The following CNPY1 variants were observed in gnomAD, a reference collection of about 807,000 sequenced individuals.
The protein encoded by CNPY1 is canopy FGF signaling regulator 1.
A neutral mutation model predicts 14.4 loss-of-function variants in CNPY1; 14 were observed. The ratio of observed to expected loss-of-function variants is 0.97; its 90% CI spans 0.64 to 1.52. CNPY1 has a LOEUF of 1.52. Ranked by LOEUF, CNPY1 falls within the 40% of genes most tolerant of loss-of-function variation. The pLI is 0.00. For synonymous variants in CNPY1, 43 were observed against 46.5 expected (o/e 0.92, Z 0.31); for missense variants, 129 against 131.5 (o/e 0.98, Z 0.09).
intron 3 of CNPY1, 51 bp downstream of exon 3, chr7:155,508,843 C>T (rs777876887): frequency 5.0e-6 from 8 of 1,591,702 alleles, no homozygotes; most frequent in South Asian, 4.6e-5. Context: ...AAAAGAGTTC[C>T]AAAAACACGT....
At chr7:155,517,841 G>C (rs902545211) in intron 2 of CNPY1, among the ~76,000 whole-genome samples, 1 of 152,240 alleles carries the variant, frequency 6.6e-6, no homozygotes, top group Admixed American at 6.5e-5. Context: ...CAAGTAATTG[G>C]TTGGAAAATC....
At chr7:155,506,984 G>A in intron 4 of CNPY1, 36 bp downstream of exon 4, 1 of 1,342,316 alleles carries the variant, frequency 7.4e-7, no homozygotes, top group Non-Finnish European at 1.1e-6. Context: ...GAGAGGGTGT[G>A]CGAGCAGCGA....
chr7:155,533,545 G>T (rs1032344433), intron 2 of CNPY1, among the ~76,000 whole-genome samples: 8 of 152,212 alleles, frequency 5.3e-5, no homozygotes, highest in Admixed American at 2.0e-4. Flanking sequence ...CCCAGCGCGC[G>T]GGAAGCCCCG....
chr7:155,529,301 C>T (rs555491374), intron 2 of CNPY1, among the ~76,000 whole-genome samples: 3 of 152,188 alleles, frequency 2.0e-5, no homozygotes, highest in South Asian at 4.1e-4. Context: ...CAACCATCCA[C>T]GTGGCTGGGT....
intron 2 of CNPY1, among the ~76,000 whole-genome samples, chr7:155,538,781 G>A (rs1453848887): frequency 1.3e-5 from 2 of 152,084 alleles, no homozygotes; most frequent in African/African-American, 2.4e-5. Flanking sequence ...GGGCTGACTC[G>A]CGCCCCCTCC....
intron 2 of CNPY1, among the ~76,000 whole-genome samples, chr7:155,540,040 G>A (rs1483839407): frequency 3.3e-5 from 5 of 152,202 alleles, no homozygotes; most frequent in African/African-American, 1.2e-4. Context: ...AAAAGTCTGG[G>A]GGTGGGGGTG....
intron 2 of CNPY1, among the ~76,000 whole-genome samples, chr7:155,530,390 CCTGGG>C (rs1796916691): frequency 6.9e-6 from 1 of 144,202 alleles, no homozygotes; most frequent in Non-Finnish European, 1.5e-5. Flanking sequence ...GCCTTAAACT[CCTGGG>C]CCTAAGCAAT....
intron 3 of CNPY1, 65 bp from the exon 4 acceptor site, chr7:155,507,181 G>T: frequency 1.0e-6 from 1 of 989,944 alleles, no homozygotes; most frequent in Non-Finnish European, 1.6e-6. Context: ...TGTTAGGAAG[G>T]ACTTTGCAAC....
intron 2 of CNPY1, among the ~76,000 whole-genome samples, chr7:155,517,146 A>G (rs1796636281): frequency 2.0e-5 from 3 of 152,344 alleles, no homozygotes; most frequent in Middle Eastern, 3.4e-3. Context: ...ATGAGACTGT[A>G]TCTGGAGATA....
intron 2 of CNPY1, among the ~76,000 whole-genome samples, chr7:155,542,061 G>A (rs1797090777): frequency 6.6e-6 from 1 of 152,172 alleles, no homozygotes; most frequent in Admixed American, 6.5e-5. Flanking sequence ...GCAGAAGTCT[G>A]CTGGGAAAAT....
At chr7:155,523,266 T>G (rs906563380) in intron 2 of CNPY1, among the ~76,000 whole-genome samples, 1 of 152,236 alleles carries the variant, frequency 6.6e-6, no homozygotes, top group African/African-American at 2.4e-5. Context: ...TGAACCCGCC[T>G]GGATGAGAAC....
intron 2 of CNPY1, among the ~76,000 whole-genome samples, chr7:155,525,015 T>C (rs1315676116): frequency 6.6e-6 from 1 of 152,104 alleles, no homozygotes; most frequent in Non-Finnish European, 1.5e-5. Flanking sequence ...ACACAGGCCA[T>C]CAGCACCTGG....
chr7:155,504,709 C>G (rs1245359813), intron 4 of CNPY1, among the ~76,000 whole-genome samples: 25 of 151,870 alleles, frequency 1.6e-4, no homozygotes, highest in African/African-American at 2.4e-5. Context: ...CACACACACA[C>G]ACACACACAC....
At chr7:155,532,570 G>A (rs544747077) in intron 2 of CNPY1, among the ~76,000 whole-genome samples, 6 of 151,512 alleles carry the variant, frequency 4.0e-5, no homozygotes, top group Middle Eastern at 3.5e-3. Context: ...GCAGTGAGCC[G>A]AGATCGCGCC....
chr7:155,522,368 G>A (rs1052558512), intron 2 of CNPY1, among the ~76,000 whole-genome samples: 5 of 152,252 alleles, frequency 3.3e-5, no homozygotes, highest in Admixed American at 6.5e-5. Context: ...ATCATGTGGC[G>A]CACACTCTGT....
chr7:155,540,786 G>A (rs192045144), intron 2 of CNPY1, among the ~76,000 whole-genome samples: 325 of 152,284 alleles, frequency 2.1e-3, no homozygotes, highest in Admixed American at 5.3e-3. Flanking sequence ...GCAAATGTGA[G>A]CCCCTCGACT....
At chr7:155,535,672 G>C (rs1263573265) in intron 2 of CNPY1, among the ~76,000 whole-genome samples, 1 of 152,196 alleles carries the variant, frequency 6.6e-6, no homozygotes, top group Non-Finnish European at 1.5e-5. Flanking sequence ...TTCAAATAGG[G>C]AGGTGACACT....
Position 155,541,094 on chromosome 7 carries a change from C to T in CNPY1, c.99+4737G>A, listed in dbSNP as rs111539488. On this transcript the variant is annotated intron_variant, in intron 2 of 4. Coordinates refer to ENST00000636446, the MANE Select transcript of CNPY1 (RefSeq NM_001393663.1). ...CTACCGAGTGAAGACATCCCACCTA[C>T]GGTGGCAGCAGGGGTGGTCTCCCAC... Among the ~76,000 whole-genome samples the T allele has an allele frequency of 5.5e-3, 835 of 152,338 alleles. 8 individuals are homozygous for T. The highest frequency in any genetic ancestry group is 0.019 in the African/African-American group (799 of 41,590).
Position 155,545,924 on chromosome 7 carries a change from G to A in CNPY1, c.6C>T (p.Asp2=), listed in dbSNP as rs531881637. The change falls in exon 2 of 5, where the codon GAC becomes GAT. Residue 2 remains aspartate (D), a synonymous_variant. Transcript: ENST00000636446. M[D]EIEHDITKAR... is the part of the protein sequence containing the mutation. The stretch of plus-strand genomic sequence containing the variant: ...CCTTGGTGATGTCGTGCTCTATCTC[G>A]TCCATCAGCGCCCTGCACGCTAAAC... 1.2e-4 allele frequency: 49 copies of A among 398,548 alleles called. No homozygotes were observed. In the Middle Eastern group the frequency reaches 1.9e-3, roughly 15 times the overall value. 24.7% of individuals were successfully genotyped at this position (398,548 alleles called of 1,614,324 possible).
Sources: gnomAD v4.1 joint callset for allele counts (sites outside exome capture counted in the v4.1 genomes callset) on GRCh38, gnomAD v4.1.1 for gene constraint, MANE v1.5 for transcripts, NCBI Gene and HGNC (gene_info 2026-07-23, HGNC 2026-07-21) for gene names.